RBM26: variants seen among roughly 807,000 people sequenced by gnomAD.
RBM26 encodes RNA binding motif protein 26, also known as RNA-binding protein 26.
In RBM26, 30 loss-of-function variants were observed where a neutral mutation model predicts 123.6. The ratio of observed to expected loss-of-function variants is 0.24; its 90% CI spans 0.18 to 0.33. The LOEUF is 0.33. Among genes scored for constraint, RBM26 ranks in the 10% least tolerant of loss-of-function variants. The pLI, the probability that RBM26 is intolerant of heterozygous loss-of-function variation, is 1.00. For synonymous variants in RBM26, 400 were observed against 404.4 expected, an observed-to-expected ratio of 0.99 and a Z score of 0.13; for missense variants, 947 against 1,203.6, an observed-to-expected ratio of 0.79 and a Z score of 3.15.
intron 5 of RBM26, among the ~76,000 whole-genome samples, chr13:79,370,247 C>A (rs1381984633): frequency 6.6e-6 from 1 of 152,072 alleles, no homozygotes; most frequent in Non-Finnish European, 1.5e-5. Context: ...ACTCAGGAGG[C>A]GGAGGTTGCA....
At chr13:79,328,683 T>TAAAAAAAAAAAAAAAAAAAAAAAAAAA (rs747906560) in intron 20 of RBM26, among the ~76,000 whole-genome samples, 2 of 38,476 alleles carry the variant, frequency 5.2e-5, no homozygotes, top group African/African-American at 1.1e-4. Flanking sequence ...CTGCATTAAG[T>TAAAAAAAAAAAAAAAAAAAAAAAAAAA]AAAAAAAAAA....
chr13:79,359,789 A>AAT (rs59451742), intron 9 of RBM26, 103 bp from the exon 10 acceptor site: 22 of 245,400 alleles, frequency 9.0e-5, no homozygotes, highest in East Asian at 5.1e-4. Flanking sequence ...CTTTTGTCTA[A>AAT]ATATATATAT....
intron 18 of RBM26, among the ~76,000 whole-genome samples, chr13:79,338,194 A>G (rs892974083): frequency 6.6e-6 from 1 of 152,230 alleles, no homozygotes; most frequent in African/African-American, 2.4e-5. Flanking sequence ...CCTGGGCGAC[A>G]GAGCAAGATT....
At chr13:79,377,284 G>T in intron 3 of RBM26, 95 bp downstream of exon 3, 1 of 1,032,772 alleles carries the variant, frequency 9.7e-7, no homozygotes, top group Non-Finnish European at 1.5e-6. Context: ...GTGGTCCTGA[G>T]GACTCCAACA....
chr13:79,366,935 G>C (rs1012658933), intron 6 of RBM26, 63 bp from the exon 7 acceptor site: 43 of 1,324,994 alleles, frequency 3.2e-5, no homozygotes, highest in Non-Finnish European at 4.3e-5. Context: ...TTTTCTCTAA[G>C]TTAGCAAAAG....
At chr13:79,343,688 AAATAC>A (rs2071809078) in intron 16 of RBM26, among the ~76,000 whole-genome samples, 1 of 151,920 alleles carries the variant, frequency 6.6e-6, no homozygotes, top group South Asian at 2.1e-4. Context: ...AAAAAGAAAC[AAATAC>A]AATTAATTTA....
intron 1 of RBM26, among the ~76,000 whole-genome samples, chr13:79,383,268 T>C (rs1006209158): frequency 6.6e-6 from 1 of 152,172 alleles, no homozygotes; most frequent in Non-Finnish European, 1.5e-5. Flanking sequence ...AATCTGTTCA[T>C]AAGATACTGT....
intron 6 of RBM26, 77 bp downstream of exon 6, chr13:79,368,653 T>G (rs888857916): frequency 1.4e-6 from 2 of 1,391,630 alleles, no homozygotes; most frequent in Non-Finnish European, 2.0e-6. Context: ...TTTGAATAAC[T>G]ATGTACAACA....
At chr13:79,317,257 A>C (rs2067236631), downstream of RBM26, among the ~76,000 whole-genome samples, 1 of 151,782 alleles carries the variant, frequency 6.6e-6, no homozygotes, top group African/African-American at 2.4e-5. Context: ...AAATTACCAT[A>C]ACCAAATCCA....
chr13:79,373,428 TA>T, intron 3 of RBM26, among the ~76,000 whole-genome samples: 1 of 56,092 alleles, frequency 1.8e-5, no homozygotes, highest in Non-Finnish European at 3.1e-5. Flanking sequence ...AAATAAAATA[TA>T]AATATATATT....
chr13:79,318,579 C>T (rs1327596892), downstream of RBM26, among the ~76,000 whole-genome samples: 2 of 151,226 alleles, frequency 1.3e-5, no homozygotes, highest in African/African-American at 2.4e-5. Flanking sequence ...TTTGGGATCA[C>T]GCTGAAATAT....
rs1275883234 is a variant in RBM26, at chr13:79,322,444, G to A, written c.2839C>T (p.Arg947Cys). 3.8e-6 allele frequency: 6 copies of A among 1,567,490 alleles called. No individual in the cohort carries two copies. Among genetic ancestry groups the A allele is most frequent in the East Asian group, 2.4e-5 (1 of 41,880 alleles). The change falls in exon 21 of 22, where the codon CGT (arginine) becomes TGT (cysteine). Residue 947 changes from arginine (R) to cysteine (C), a missense_variant. Around this residue, in one of 5 missense-constraint regions of RBM26, gnomAD observed 164 missense variants for 215.3 expected, o/e 0.76. Transcript: ENST00000438737. ...AGTTTTAGATCTTGCCCTTTGAAAC[G>A]AGCTCCATGAACTGCAGCCTAAAAT... ...EAEAAAVHGARFKGQDLKLAW... is the reference protein window; with the variant it reads ...EAEAAAVHGACFKGQDLKLAW...
chr13:79,370,916 T>A, intron 5 of RBM26, 29 bp downstream of exon 5: 1 of 1,576,150 alleles, frequency 6.3e-7, no homozygotes, highest in Non-Finnish European at 8.7e-7. Flanking sequence ...GAGTTTTTCA[T>A]AAAAAGATAA....
intron 10 of RBM26, among the ~76,000 whole-genome samples, chr13:79,359,090 A>G (rs145590595): frequency 5.9e-4 from 90 of 152,230 alleles, no homozygotes; most frequent in Non-Finnish European, 4.1e-4. Context: ...CACCTCACAC[A>G]TATCTTAACA....
chr13:79,365,652 T>A lies in RBM26; in HGVS notation c.1343A>T (p.Tyr448Phe). Residue 448 changes from tyrosine to phenylalanine, a missense_variant, in exon 9 of 22, where the codon TAT becomes TTT. Physicochemically the swap from Tyr to Phe is conservative, Grantham distance 22. Around this residue, in one of 5 missense-constraint regions of RBM26, gnomAD observed 493 missense variants for 563.1 expected, o/e 0.88. Coordinates refer to ENST00000438737, the MANE Select transcript of RBM26 (RefSeq NM_001366735.2). Reference protein sequence around the residue: ...PSITNTSRPMYRHRVHAQRPN... With the variant: ...PSITNTSRPMFRHRVHAQRPN... ...CCTTTGTGCATGCACTCTGTGTCTATACATAGGTCTGGAAGTGTTTGTTAT... is the reference window on the plus strand; with the variant it reads ...CCTTTGTGCATGCACTCTGTGTCTAAACATAGGTCTGGAAGTGTTTGTTAT... 1 of 1,613,916 alleles carries A rather than the reference T, an allele frequency of 6.2e-7. No homozygotes were observed. The highest frequency in any genetic ancestry group is 8.5e-7 in the Non-Finnish European group (1 of 1,179,776).
Position 79,318,950 on chromosome 13 carries a change from T to C in RBM26, c.*1671A>G. 2 of 973,148 alleles carry C rather than the reference T, an allele frequency of 2.1e-6. No homozygotes were observed. The highest frequency in any genetic ancestry group is 2.4e-6 in the Non-Finnish European group (2 of 818,964). The allele number at this position is 973,148 out of a possible 1,614,324, so 60.3% of individuals were successfully genotyped here. A position where few individuals can be genotyped will look rare whatever the true frequency, so the allele number is the denominator to read the frequency against. On this transcript the variant is annotated 3_prime_UTR_variant, in exon 22 of 22. Coordinates refer to ENST00000438737, the MANE Select transcript of RBM26 (RefSeq NM_001366735.2). ...CATAGTCAACATACAAGAGACTACA[T>C]AAAAATAGATCTTTGATTTAAATAT...
rs775856291 is a variant in RBM26 at position 79,337,239 on chromosome 13, C to A, written c.2596G>T (p.Ala866Ser). The change falls in exon 19 of 22, where the codon GCA becomes TCA. Residue 866 changes from alanine to serine, a missense_variant. This residue lies in a region of RBM26 where 164 missense variants were observed against 215.3 expected (regional missense o/e 0.76). Coordinates refer to ENST00000438737, the MANE Select transcript of RBM26 (RefSeq NM_001366735.2). ...GRGIHSRGRG[A>S]VHGRGRGRGR... ...CGCCCCCTGCCTCGGCCATGAACTG[C>A]ACCTCGACCTCTTGAATGAATTCCT... 1.6e-5 allele frequency: 26 copies of A among 1,614,056 alleles called. No individual in the cohort carries two copies. Among genetic ancestry groups the A allele is most frequent in the Admixed American group, 5.0e-5 (3 of 60,000 alleles).
chr13:79,329,239 T>C (rs2068912551), intron 20 of RBM26, among the ~76,000 whole-genome samples: 1 of 152,048 alleles, frequency 6.6e-6, no homozygotes, highest in Non-Finnish European at 1.5e-5. Flanking sequence ...TGTGTGTATA[T>C]ATGTGTATGT....
At chr13:79,350,454 A>G (rs2073063846) in intron 14 of RBM26, among the ~76,000 whole-genome samples, 1 of 152,208 alleles carries the variant, frequency 6.6e-6, no homozygotes, top group African/African-American at 2.4e-5. Flanking sequence ...TTCTTTAGTA[A>G]GCAGAGGCAC....
Sources: allele counts gnomAD v4.1 joint callset (sites outside exome capture counted in the v4.1 genomes callset), GRCh38; gene constraint gnomAD v4.1.1; regional missense constraint gnomAD v4.1.1; transcripts MANE v1.5; gene names NCBI Gene and HGNC (gene_info 2026-07-23, HGNC 2026-07-21).